Variants in CSMD1 observed in about 807,000 individuals in gnomAD.
CSMD1 encodes the protein CUB and Sushi multiple domains 1.
A neutral mutation model predicts 417.5 loss-of-function variants in CSMD1; 213 were observed. The ratio of observed to expected loss-of-function variants is 0.51; its 90% CI spans 0.46 to 0.57. The LOEUF is 0.57. Among genes scored for constraint, CSMD1 ranks in the 20% least tolerant of loss-of-function variants. The pLI, the probability that CSMD1 is intolerant of heterozygous loss-of-function variation, is 0.00. For synonymous variants in CSMD1, 2,862 were observed against 1,736.8 expected, an observed-to-expected ratio of 1.65 and a Z score of -16.11; for missense variants, 6,923 against 4,529.7, an observed-to-expected ratio of 1.53 and a Z score of -15.17.
intron 3 of CSMD1, among the ~76,000 whole-genome samples, chr8:4,363,842 G>A (rs1563096351): frequency 6.6e-6 from 1 of 152,084 alleles, no homozygotes; most frequent in Non-Finnish European, 1.5e-5. Context: ...TGTGGGATCT[G>A]AAAATCAAAA....
chr8:4,628,633 A>G (rs1032784881), intron 2 of CSMD1, among the ~76,000 whole-genome samples: 1 of 151,596 alleles, frequency 6.6e-6, no homozygotes, highest in Non-Finnish European at 1.5e-5. Flanking sequence ...CTCTCCTCAC[A>G]CATGCCCTGC....
chr8:4,424,111 A>C (rs1446199273), intron 2 of CSMD1, among the ~76,000 whole-genome samples: 1 of 152,018 alleles, frequency 6.6e-6, no homozygotes, highest in African/African-American at 2.4e-5. Flanking sequence ...AAATAGGGGA[A>C]AGGCTTTTGA....
intron 8 of CSMD1, among the ~76,000 whole-genome samples, chr8:3,601,884 G>A (rs1290190852): frequency 2.6e-5 from 4 of 152,130 alleles, no homozygotes; most frequent in African/African-American, 9.7e-5. Flanking sequence ...GAGAGTTAGT[G>A]TTCACAGATC....
intron 7 of CSMD1, among the ~76,000 whole-genome samples, chr8:3,653,893 A>T (rs777296852): frequency 2.6e-5 from 4 of 152,224 alleles, no homozygotes; most frequent in Non-Finnish European, 5.9e-5. Context: ...TGACAGCATC[A>T]GTATTAAAAA....
At chr8:4,178,294 G>C (rs1443361043) in intron 3 of CSMD1, among the ~76,000 whole-genome samples, 1 of 151,780 alleles carries the variant, frequency 6.6e-6, no homozygotes, top group Non-Finnish European at 1.5e-5. Context: ...ATCAATAAAT[G>C]TAATCCAGCA....
At chr8:3,399,664 C>A in intron 15 of CSMD1, 135 bp from the exon 16 acceptor site, 1 of 626,912 alleles carries the variant, frequency 1.6e-6, no homozygotes, top group African/African-American at 1.9e-5. Flanking sequence ...AAATCTTATT[C>A]CCAAGGAAAC....
intron 2 of CSMD1, among the ~76,000 whole-genome samples, chr8:4,435,425 G>A (rs934457888): frequency 6.6e-6 from 1 of 152,162 alleles, no homozygotes. Context: ...TGCAGGCCCA[G>A]AGTTTGTCTA....
rs1460593845 is a variant in CSMD1, at chr8:2,937,907, CTTA to C, written c.*675_*677del. ...AATAATTTATTTTTTTTATCAGAATCTTAGTCATTCATAACACACTAGTGCAAA... is the reference window on the plus strand; with the variant it reads ...AATAATTTATTTTTTTTATCAGAATCGTCATTCATAACACACTAGTGCAAA... On this transcript the variant is annotated 3_prime_UTR_variant, in exon 70 of 70. Coordinates refer to ENST00000635120, the MANE Select transcript of CSMD1 (RefSeq NM_033225.6). 1.3e-5 allele frequency: 2 copies of C among 152,420 alleles called. No homozygotes were observed. The highest frequency in any genetic ancestry group is 1.3e-4 in the Admixed American group (2 of 15,260). The allele number at this position is 152,420 out of a possible 1,614,324, so 9.4% of individuals were successfully genotyped here. A position where few individuals can be genotyped will look rare whatever the true frequency, so the allele number is the denominator to read the frequency against.
chr8:4,298,996 C>G (rs1470675174), intron 3 of CSMD1, among the ~76,000 whole-genome samples: 1 of 151,966 alleles, frequency 6.6e-6, no homozygotes. Flanking sequence ...TGCAGATCTA[C>G]TGATGTTAAA....
chr8:4,658,733 G>A (rs144579716), intron 1 of CSMD1, among the ~76,000 whole-genome samples: 17 of 151,974 alleles, frequency 1.1e-4, no homozygotes, highest in East Asian at 9.7e-4. Context: ...TTATACTTTC[G>A]GTTTCTAACT....
chr8:4,089,410 C>G (rs1163841935), intron 3 of CSMD1, among the ~76,000 whole-genome samples: 3 of 152,138 alleles, frequency 2.0e-5, no homozygotes, highest in African/African-American at 4.8e-5. Context: ...GTAAATGGTA[C>G]ATGGTTAGCA....
intron 3 of CSMD1, among the ~76,000 whole-genome samples, chr8:4,115,098 T>C (rs1405297738): frequency 6.6e-6 from 1 of 152,198 alleles, no homozygotes; most frequent in Non-Finnish European, 1.5e-5. Context: ...AATTGAAACC[T>C]AGAGATAAAT....
chr8:3,470,469 C>G (rs895938197), intron 11 of CSMD1, among the ~76,000 whole-genome samples: 3 of 152,162 alleles, frequency 2.0e-5, no homozygotes, highest in Admixed American at 6.6e-5. Context: ...CTATAACAAT[C>G]AGGACATTGA....
Position 3,151,522 on chromosome 8 carries a change from T to C in CSMD1, c.5915-9A>G. ...CGTCCCTCCACAGGTTGCTGTTAAG[T>C]GGACAAGATGTCAGTCCTGCAGGTC... On this transcript the variant is annotated splice_polypyrimidine_tract_variant and intron_variant, in intron 39 of 69. Coordinates refer to ENST00000635120, the MANE Select transcript of CSMD1 (RefSeq NM_033225.6). The C allele has an allele frequency of 6.3e-7, 1 of 1,576,526 alleles. No homozygotes were observed.
intron 3 of CSMD1, among the ~76,000 whole-genome samples, chr8:4,152,929 T>C (rs531481108): frequency 2.1e-4 from 32 of 152,334 alleles, no homozygotes; most frequent in Admixed American, 7.8e-4. Context: ...GTGTATACTC[T>C]ATCCTCTTCT....
At chr8:3,392,248 A>C (rs965310254) in intron 17 of CSMD1, among the ~76,000 whole-genome samples, 10 of 152,128 alleles carry the variant, frequency 6.6e-5, no homozygotes, top group African/African-American at 2.4e-4. Context: ...TAAAACTTAA[A>C]GTATAATAAA....
intron 21 of CSMD1, among the ~76,000 whole-genome samples, chr8:3,356,703 G>C (rs1048860146): frequency 2.7e-5 from 3 of 112,950 alleles, no homozygotes; most frequent in Non-Finnish European, 5.6e-5. Context: ...ACAAAAAAAC[G>C]TAATGGCAAA....
intron 5 of CSMD1, among the ~76,000 whole-genome samples, chr8:3,994,441 T>G (rs73180075): frequency 2.3e-3 from 260 of 113,412 alleles, no homozygotes; most frequent in Non-Finnish European, 3.5e-3. Context: ...CCATCAAATC[T>G]CTTCAGAAAA....
chr8:4,319,123 A>G (rs568274121), intron 3 of CSMD1, among the ~76,000 whole-genome samples: 17 of 152,290 alleles, frequency 1.1e-4, no homozygotes, highest in African/African-American at 4.1e-4. Context: ...GGAGGATTTT[A>G]AAAGCAGATT....
Sources: allele counts gnomAD v4.1 joint callset (sites outside exome capture counted in the v4.1 genomes callset), GRCh38; gene constraint gnomAD v4.1.1; transcripts MANE v1.5; gene names NCBI Gene and HGNC (gene_info 2026-07-23, HGNC 2026-07-21).